The following CCDC180 variants were observed in gnomAD, a reference collection of about 807,000 sequenced individuals.
CCDC180 encodes the protein coiled-coil domain-containing protein 180.
CCDC180 carries 154 observed loss-of-function variants against 209.2 expected under a neutral mutation model. That is an observed-to-expected ratio of 0.74 (90% CI 0.65 to 0.84). The LOEUF (loss-of-function observed/expected upper bound fraction) is 0.84. Among genes scored for constraint, CCDC180 ranks in the 40% least tolerant of loss-of-function variants. The probability of loss-of-function intolerance (pLI) is 0.00; values close to 1 mark genes in which losing one functional copy is unlikely to be tolerated. For missense variants in CCDC180, 1,874 were observed against 1,997.3 expected, an observed-to-expected ratio of 0.94 and a Z score of 1.18; for synonymous variants, 778 against 749.1, an observed-to-expected ratio of 1.04 and a Z score of -0.63.
In CCDC180 at chr9:97,360,096, T is replaced by C. The variant is rs754417629; in HGVS notation, c.3478T>C (p.Phe1160Leu). 4 of 1,613,640 alleles carry C rather than the reference T, an allele frequency of 2.5e-6. No homozygotes were observed. The highest frequency in any genetic ancestry group is 3.4e-6 in the Non-Finnish European group (4 of 1,179,764). ...CAGGGTGTCCATGACTGAACTGGTCTTTACCGTAAGGAATGGGATAGGGTG... is the reference window on the plus strand; with the variant it reads ...CAGGGTGTCCATGACTGAACTGGTCCTTACCGTAAGGAATGGGATAGGGTG... ...LDRVSMTELV[F>L]TNTILKDQEE... The change falls in exon 26 of 37, where the codon TTT becomes CTT. Residue 1160 changes from phenylalanine to leucine, a missense_variant. By Grantham distance (22) the Phe-to-Leu change is conservative. Coordinates refer to ENST00000529487, the MANE Select transcript of CCDC180 (RefSeq NM_020893.6).
At position 97,370,066 on chromosome 9, in the gene CCDC180, G is replaced by A. The variant is rs150255085; in HGVS notation, c.4334G>A (p.Arg1445Gln). The change falls in exon 32 of 37, where the codon CGG becomes CAG. Residue 1445 changes from arginine to glutamine, a missense_variant. Physicochemically the swap from Arg to Gln is conservative, Grantham distance 43. Transcript: ENST00000529487. ...IRGQFEEQQKRLEKRKDKNAQ... is the reference protein window; with the variant it reads ...IRGQFEEQQKQLEKRKDKNAQ... ...GGACAGTTCGAGGAACAGCAGAAGCGGCTGGAGAAAAGAAAGGTGAGGGCC... is the reference window on the plus strand; with the variant it reads ...GGACAGTTCGAGGAACAGCAGAAGCAGCTGGAGAAAAGAAAGGTGAGGGCC... The A allele has an allele frequency of 1.6e-4, 256 of 1,613,832 alleles. No individual in the cohort carries two copies. Among genetic ancestry groups the A allele is most frequent in the Non-Finnish European group, 2.0e-4 (233 of 1,179,960 alleles).
chr9:97,336,389 A>G (rs1825904946), intron 18 of CCDC180, among the ~76,000 whole-genome samples: 2 of 152,232 alleles, frequency 1.3e-5, no homozygotes, highest in South Asian at 2.1e-4. Flanking sequence ...ATGGCTAGCC[A>G]GTTTTCCCAG....
intron 28 of CCDC180, chr9:97,363,719 C>G: frequency 2.0e-6 from 1 of 496,714 alleles, no homozygotes; most frequent in Non-Finnish European, 4.0e-6. Flanking sequence ...GCAACCCTAC[C>G]TGTGGCTCAA....
At chr9:97,322,031 C>G (rs902978351) in intron 11 of CCDC180, among the ~76,000 whole-genome samples, 5 of 152,056 alleles carry the variant, frequency 3.3e-5, no homozygotes, top group African/African-American at 1.2e-4. Flanking sequence ...AGGTTCTGAG[C>G]TGGGGGTGAT....
intron 18 of CCDC180, among the ~76,000 whole-genome samples, chr9:97,331,443 T>G (rs1825746556): frequency 6.6e-6 from 1 of 152,208 alleles, no homozygotes; most frequent in African/African-American, 2.4e-5. Context: ...TACACAATAA[T>G]GGGACTGTGG....
At chr9:97,324,976 A>G in intron 13 of CCDC180, 43 bp from the exon 14 acceptor site, 1 of 1,584,678 alleles carries the variant, frequency 6.3e-7, no homozygotes. Flanking sequence ...TGGCCCTGGG[A>G]CTGTCAGCCC....
chr9:97,319,900 A>T (rs1377393723), intron 10 of CCDC180, among the ~76,000 whole-genome samples: 1 of 152,150 alleles, frequency 6.6e-6, no homozygotes, highest in African/African-American at 2.4e-5. Flanking sequence ...TGGAAAAATT[A>T]TGTTCTTTTC....
chr9:97,314,800 T>C (rs1371672844), intron 7 of CCDC180, 51 bp from the exon 8 acceptor site: 2 of 1,601,508 alleles, frequency 1.2e-6, no homozygotes, highest in African/African-American at 2.7e-5. Context: ...TCTGTTTCCT[T>C]TTAGTTCTCC....
intron 28 of CCDC180, chr9:97,363,487 A>G: frequency 6.9e-6 from 3 of 433,682 alleles, no homozygotes; most frequent in African/African-American, 2.0e-5. Flanking sequence ...ACCTGTTTAC[A>G]TGTTCAGTCT....
chr9:97,375,392 G>A (rs1827223239), intron 35 of CCDC180, 62 bp from the exon 36 acceptor site: 1 of 1,602,878 alleles, frequency 6.2e-7, no homozygotes, highest in African/African-American at 1.3e-5. Context: ...CAACAGGGTT[G>A]GTAGGTGGAT....
Position 97,314,621 on chromosome 9 carries a change from C to G in CCDC180, c.592C>G (p.Leu198Val). ...TNLEDYTIQA[L>V]LELWDKVAGR... ...TGACCCAAACTTCTCTGCGTAGGCC[C>G]TGCTGGAGCTGTGGGATAAGGTGGC... Residue 198 changes from leucine (L) to valine (V), a missense_variant, in exon 7 of 37, where the codon CTG (leucine) becomes GTG (valine). Coordinates refer to ENST00000529487, the MANE Select transcript of CCDC180 (RefSeq NM_020893.6). 6.2e-7 allele frequency: 1 copy of G among 1,614,064 alleles called. No homozygotes were observed. The highest frequency in any genetic ancestry group is 8.5e-7 in the Non-Finnish European group (1 of 1,179,958).
intron 25 of CCDC180, 125 bp from the exon 26 acceptor site, chr9:97,359,857 G>A (rs2118860886): frequency 1.6e-6 from 2 of 1,259,546 alleles, no homozygotes; most frequent in Non-Finnish European, 2.2e-6. Context: ...CTGCATGTGA[G>A]GAGCCTCCAT....
rs537758184 is a variant in CCDC180, at chr9:97,307,933, C to T, written c.-81-50C>T. ...GTGCCGCCTCGAGGCCAGACGTCGT[C>T]CCGCCTGGACCTGAACCTGAGTTTG... is the stretch of plus-strand genomic sequence containing the variant. On this transcript the variant is annotated intron_variant, in intron 1 of 36. Transcript: ENST00000529487. 4 of 1,575,992 alleles carry T rather than the reference C, an allele frequency of 2.5e-6. No homozygotes were observed. In the African/African-American group the frequency reaches 4.0e-5, roughly 16 times the overall value.
In CCDC180 at chr9:97,365,696, C is replaced by T. The variant is rs781165563; in HGVS notation, c.4004C>T (p.Thr1335Ile). The T allele has an allele frequency of 2.5e-6, 4 of 1,614,112 alleles. No individual in the cohort carries two copies. In the South Asian group the frequency reaches 4.4e-5, roughly 18 times the overall value. Residue 1335 changes from threonine (T) to isoleucine (I), a missense_variant, in exon 30 of 37, where the codon ACC (threonine) becomes ATC (isoleucine). Coordinates refer to ENST00000529487, the MANE Select transcript of CCDC180 (RefSeq NM_020893.6). ...AGGGATTTTAAGGGGATCATCTTGA[C>T]CCTCCTCTGGGAGAGCAGTGAGAAC... ...AAEDFKGIIL[T>I]LLWESSENLL... is the part of the protein sequence containing the mutation.
intron 23 of CCDC180, 67 bp downstream of exon 23, chr9:97,354,780 G>A: frequency 6.2e-7 from 1 of 1,601,216 alleles, no homozygotes; most frequent in South Asian, 1.1e-5. Context: ...TCCCTCTGAA[G>A]GGAGGGCCAA....
intron 18 of CCDC180, among the ~76,000 whole-genome samples, chr9:97,338,341 CAG>C (rs1320499576): frequency 6.6e-6 from 1 of 152,150 alleles, no homozygotes; most frequent in Admixed American, 6.5e-5. Context: ...AAATGTGTCC[CAG>C]AGATTCTGGT....
Position 97,360,045 on chromosome 9 carries a change from A to G in CCDC180, c.3427A>G (p.Ile1143Val). 6.2e-7 allele frequency: 1 copy of G among 1,613,952 alleles called. No homozygotes were observed. The highest frequency in any genetic ancestry group is 8.5e-7 in the Non-Finnish European group (1 of 1,179,904). ...TTGGAAGGAAAAACTGAGCCAGAGG[A>G]TTCAGTACCTTAACTGCAGCCTGGA... Reference protein sequence around the residue: ...QTWKEKLSQRIQYLNCSLDRV... With the variant: ...QTWKEKLSQRVQYLNCSLDRV... The change falls in exon 26 of 37, where the codon ATT becomes GTT. Residue 1143 changes from isoleucine to valine, a missense_variant. By Grantham distance (29) the Ile-to-Val change is conservative (BLOSUM62 3). Transcript: ENST00000529487.
At position 97,374,089 on chromosome 9, in the gene CCDC180, C is replaced by T. The variant is rs41281934; in HGVS notation, c.4601-454C>T. 1,278 of 160,024 alleles carry T rather than the reference C, an allele frequency of 8.0e-3. 15 individuals are homozygous for T. Among genetic ancestry groups the T allele is most frequent in the African/African-American group, 0.029 (1,192 of 41,652 alleles). The allele number at this position is 160,024 out of a possible 1,614,324, so 9.9% of individuals were successfully genotyped here. ...GCTCTCTGCACACAGAGCCCCCCAC[C>T]CCCTCGCCCCTGATCTAGAAAGAAC... On this transcript the variant is annotated intron_variant, in intron 34 of 36. Coordinates refer to ENST00000529487, the MANE Select transcript of CCDC180 (RefSeq NM_020893.6).
chr9:97,353,950 G>C (rs1459832227), intron 22 of CCDC180, among the ~76,000 whole-genome samples: 1 of 150,832 alleles, frequency 6.6e-6, no homozygotes, highest in Non-Finnish European at 1.5e-5. Context: ...TTCTGGTGCT[G>C]CCCACATTCC....
Sources: allele counts gnomAD v4.1 joint callset (sites outside exome capture counted in the v4.1 genomes callset), GRCh38; gene constraint gnomAD v4.1.1; transcripts MANE v1.5; gene names NCBI Gene and HGNC (gene_info 2026-07-23, HGNC 2026-07-21).